Variants in GABRG3 observed in about 807,000 individuals in gnomAD.
GABRG3 encodes the protein gamma-aminobutyric acid type A receptor subunit gamma3.
A neutral mutation model predicts 48.8 loss-of-function variants in GABRG3; 25 were observed. That is an observed-to-expected ratio of 0.51 (90% CI 0.37 to 0.72). The LOEUF is 0.72. Among genes scored for constraint, GABRG3 ranks in the 30% least tolerant of loss-of-function variants. GABRG3 has a pLI of 0.00. For missense variants in GABRG3, 394 were observed against 577.9 expected (o/e 0.68, Z 3.26); for synonymous variants, 227 against 217.6 (o/e 1.04, Z -0.38).
chr15:27,331,252 A>G (rs1337949719), intron 5 of GABRG3, among the ~76,000 whole-genome samples: 1 of 152,190 alleles, frequency 6.6e-6, no homozygotes, highest in Non-Finnish European at 1.5e-5. Flanking sequence ...ATTTACCCAA[A>G]TGAATTAAAA....
At chr15:27,110,760 A>G (rs1330250683) in intron 3 of GABRG3, among the ~76,000 whole-genome samples, 1 of 151,992 alleles carries the variant, frequency 6.6e-6, no homozygotes, top group Non-Finnish European at 1.5e-5. Context: ...TCCTAAACTC[A>G]CACTTCTATA....
At chr15:27,135,334 T>C (rs953359283) in intron 3 of GABRG3, among the ~76,000 whole-genome samples, 8 of 152,194 alleles carry the variant, frequency 5.3e-5, no homozygotes, top group Admixed American at 3.9e-4. Context: ...GTAGAGCTTC[T>C]TTGAATGAAC....
chr15:26,984,235 C>A (rs1189331770), intron 2 of GABRG3, among the ~76,000 whole-genome samples: 1 of 151,584 alleles, frequency 6.6e-6, no homozygotes, highest in Admixed American at 6.6e-5. Context: ...TTTTTTCCCT[C>A]TAGGGCGCTG....
In GABRG3 at chr15:27,457,611, C is replaced by G. The variant is rs1431617456; in HGVS notation, c.575-23039C>G. Reference sequence around the variant, plus strand: ...TAAAGTGGCTTGGCCAGGATTGATCCACTGTACCAGCCCTGCCCTCTCTAG... The same window carrying G: ...TAAAGTGGCTTGGCCAGGATTGATCGACTGTACCAGCCCTGCCCTCTCTAG... On this transcript the variant is annotated intron_variant, in intron 5 of 9. Transcript: ENST00000615808. This position sits in a 1 kb window ranked among gnomAD's most constrained non-coding sequence, Gnocchi z 4.4. 6.6e-6 allele frequency among the ~76,000 whole-genome samples: 1 copy of G among 152,130 alleles called. No homozygotes were observed. Among genetic ancestry groups the G allele is most frequent in the Non-Finnish European group, 1.5e-5 (1 of 68,036 alleles).
intron 3 of GABRG3, among the ~76,000 whole-genome samples, chr15:27,156,425 G>A (rs778358298): frequency 9.2e-5 from 14 of 151,840 alleles, no homozygotes; most frequent in Non-Finnish European, 1.8e-4. Context: ...CCATGCATTG[G>A]TGTGTCTGAG....
chr15:27,307,772 A>G (rs866226512), intron 3 of GABRG3, among the ~76,000 whole-genome samples: 1 of 113,432 alleles, frequency 8.8e-6, no homozygotes, highest in African/African-American at 3.6e-5. Flanking sequence ...AAATAAACAT[A>G]TGTTTATATA....
At chr15:27,027,359 G>A (rs1188760664) in intron 3 of GABRG3, among the ~76,000 whole-genome samples, 1 of 152,206 alleles carries the variant, frequency 6.6e-6, no homozygotes, top group Non-Finnish European at 1.5e-5. Flanking sequence ...CTGCCAGCAA[G>A]GGGTTAACAG....
intron 3 of GABRG3, among the ~76,000 whole-genome samples, chr15:27,192,480 T>C (rs1293605905): frequency 6.6e-6 from 1 of 152,220 alleles, no homozygotes; most frequent in Non-Finnish European, 1.5e-5. Context: ...TCATTTCATC[T>C]TCCATCGCTG....
chr15:27,010,476 C>T (rs1198526406), intron 2 of GABRG3, among the ~76,000 whole-genome samples: 2 of 152,166 alleles, frequency 1.3e-5, no homozygotes, highest in East Asian at 1.9e-4. Context: ...TAGCCCCAGG[C>T]ATTCCTAAAT....
chr15:27,051,838 A>G (rs1465232961), intron 3 of GABRG3, among the ~76,000 whole-genome samples: 2 of 152,208 alleles, frequency 1.3e-5, no homozygotes, highest in Non-Finnish European at 2.9e-5. Context: ...CTTGTTTTCT[A>G]GCAATTAGAT....
chr15:27,336,379 G>C (rs1893978260), intron 5 of GABRG3, among the ~76,000 whole-genome samples: 1 of 151,878 alleles, frequency 6.6e-6, no homozygotes, highest in Admixed American at 6.6e-5. Context: ...ATAGTCATTT[G>C]ACCAAAGGTG....
chr15:27,336,898 T>C (rs1893995838), intron 5 of GABRG3, among the ~76,000 whole-genome samples: 3 of 152,216 alleles, frequency 2.0e-5, no homozygotes, highest in Admixed American at 2.0e-4. Flanking sequence ...GAGTGAAGAA[T>C]GCCAGTCTCC....
intron 3 of GABRG3, chr15:27,161,381 C>G (rs1279062132): frequency 6.6e-6 from 1 of 152,118 alleles, no homozygotes; most frequent in Non-Finnish European, 1.5e-5. Context: ...CTCCTTGCCC[C>G]CCAAGTTCCA....
At chr15:27,482,267 T>A (rs992391173) in intron 6 of GABRG3, among the ~76,000 whole-genome samples, 5 of 152,184 alleles carry the variant, frequency 3.3e-5, no homozygotes, top group Non-Finnish European at 5.9e-5. Context: ...GTAAGGAAAA[T>A]GTCCTTTGGA....
intron 3 of GABRG3, among the ~76,000 whole-genome samples, chr15:27,300,759 T>C (rs543049451): frequency 6.7e-6 from 1 of 149,706 alleles, no homozygotes; most frequent in Admixed American, 6.7e-5. Flanking sequence ...AAATTGAGAT[T>C]AAGAAAAGAA....
intron 3 of GABRG3, among the ~76,000 whole-genome samples, chr15:27,148,475 AG>A (rs1213477545): frequency 6.6e-6 from 1 of 152,002 alleles, no homozygotes; most frequent in Non-Finnish European, 1.5e-5. Context: ...TTGAAGAGAA[AG>A]GAATGCTTCC....
Position 27,327,048 on chromosome 15 carries a change from C to A in GABRG3, c.491+19C>A. 6.3e-7 allele frequency: 1 copy of A among 1,585,080 alleles called. No individual in the cohort carries two copies. The highest frequency in any genetic ancestry group is 8.6e-7 in the Non-Finnish European group (1 of 1,158,036). On this transcript the variant is annotated intron_variant, in intron 4 of 9. Coordinates refer to ENST00000615808, the MANE Select transcript of GABRG3 (RefSeq NM_033223.5). The stretch of plus-strand genomic sequence containing the variant: ...CTTTGAGGTAAGATGCTGCATCGAT[C>A]TTTGATTACTCCTGGTTTAAAATGG...
chr15:27,473,395 G>T (rs1213669270), intron 5 of GABRG3, among the ~76,000 whole-genome samples: 1 of 152,168 alleles, frequency 6.6e-6, no homozygotes, highest in East Asian at 1.9e-4. Context: ...TTTTACAGGG[G>T]AAAGTGCTAT....
intron 3 of GABRG3, among the ~76,000 whole-genome samples, chr15:27,183,170 G>A (rs1287875735): frequency 6.6e-6 from 1 of 151,796 alleles, no homozygotes. Context: ...CCAGAGGTTA[G>A]TGTGTGACAA....
Sources: allele counts gnomAD v4.1 joint callset (sites outside exome capture counted in the v4.1 genomes callset), GRCh38; gene constraint gnomAD v4.1.1; non-coding constraint Gnocchi (gnomAD v3.1); transcripts MANE v1.5; gene names NCBI Gene and HGNC (gene_info 2026-07-23, HGNC 2026-07-21).